CSMD3: variants seen among roughly 807,000 people sequenced by gnomAD.
CSMD3 encodes CUB and Sushi multiple domains 3.
Under a neutral mutation model 435.2 loss-of-function variants are expected in CSMD3, and 177 were observed. The ratio of observed to expected loss-of-function variants is 0.41; its 90% CI spans 0.36 to 0.46. The LOEUF (loss-of-function observed/expected upper bound fraction) is 0.46. Among genes scored for constraint, CSMD3 ranks in the 20% least tolerant of loss-of-function variants. The pLI is 0.34. For synonymous variants in CSMD3, 1,656 were observed against 1,520.5 expected, an observed-to-expected ratio of 1.09 and a Z score of -2.07; for missense variants, 4,265 against 4,504.6, an observed-to-expected ratio of 0.95 and a Z score of 1.52.
At chr8:113,335,882 T>C (rs1358701080) in intron 1 of CSMD3, among the ~76,000 whole-genome samples, 1 of 152,062 alleles carries the variant, frequency 6.6e-6, no homozygotes, top group Non-Finnish European at 1.5e-5. Context: ...TAGTTTTCTA[T>C]TTAAGATGTG....
chr8:112,316,034 G>C (rs771024666), intron 47 of CSMD3, among the ~76,000 whole-genome samples: 2 of 151,794 alleles, frequency 1.3e-5, no homozygotes, highest in Admixed American at 6.6e-5. Flanking sequence ...AAGTATAGGA[G>C]TAGAAAAGAG....
chr8:113,148,620 C>A lies in CSMD3; in HGVS notation c.709+25102G>T, dbSNP rs546269108. ...TTAAAGAATGAGCAATGAATTAATA[C>A]AAAAAACACTAAGCCCACCCTGATA... is the stretch of plus-strand genomic sequence containing the variant. On this transcript the variant is annotated intron_variant, in intron 4 of 70. Transcript: ENST00000297405. Among the ~76,000 whole-genome samples, 27 of 151,678 alleles carry A rather than the reference C, an allele frequency of 1.8e-4. No homozygotes were observed. The South Asian group carries it at 3.5e-3, about 20-fold the overall frequency.
chr8:112,951,165 C>T (rs1424919454), intron 8 of CSMD3, among the ~76,000 whole-genome samples: 2 of 151,692 alleles, frequency 1.3e-5, no homozygotes, highest in Admixed American at 6.6e-5. Context: ...CAGAATTGCC[C>T]ATAGCTAAGT....
At chr8:112,712,905 G>A (rs377132161) in intron 13 of CSMD3, among the ~76,000 whole-genome samples, 23 of 152,234 alleles carry the variant, frequency 1.5e-4, no homozygotes, top group African/African-American at 5.3e-4. Context: ...AACATTTGGG[G>A]AAGCTGGTTA....
intron 23 of CSMD3, among the ~76,000 whole-genome samples, chr8:112,585,667 GA>G (rs1311767299): frequency 6.6e-6 from 1 of 151,630 alleles, no homozygotes; most frequent in African/African-American, 2.4e-5. Context: ...ATTTTAGGTA[GA>G]ACAATAATAG....
intron 1 of CSMD3, among the ~76,000 whole-genome samples, chr8:113,358,746 A>G (rs1031672574): frequency 6.6e-6 from 1 of 152,038 alleles, no homozygotes; most frequent in Admixed American, 6.5e-5. Context: ...GAAAAAAAGC[A>G]TACTGTATAA....
intron 5 of CSMD3, among the ~76,000 whole-genome samples, chr8:113,064,569 G>A (rs1230124964): frequency 6.6e-6 from 1 of 151,988 alleles, no homozygotes; most frequent in African/African-American, 2.4e-5. Context: ...AATACAGCAG[G>A]ATAAAACTAA....
intron 13 of CSMD3, among the ~76,000 whole-genome samples, chr8:112,699,635 G>A (rs2076343134): frequency 6.6e-6 from 1 of 152,206 alleles, no homozygotes; most frequent in Admixed American, 6.5e-5. Flanking sequence ...ATTTTACTAG[G>A]TGACTAATGA....
At chr8:112,928,557 G>A (rs963989436) in intron 9 of CSMD3, among the ~76,000 whole-genome samples, 16 of 151,642 alleles carry the variant, frequency 1.1e-4, no homozygotes, top group African/African-American at 3.4e-4. Context: ...TTGTTCTTGC[G>A]ATAGTTTACT....
intron 5 of CSMD3, among the ~76,000 whole-genome samples, chr8:113,069,562 A>G (rs777551985): frequency 6.6e-6 from 1 of 152,122 alleles, no homozygotes. Context: ...GCCCTAATGA[A>G]TAGATATTTA....
rs900321145 is a variant in CSMD3, at chr8:113,227,573, T to C, written c.514+51019A>G. On this transcript the variant is annotated intron_variant, in intron 3 of 70. Coordinates refer to ENST00000297405, the MANE Select transcript of CSMD3 (RefSeq NM_198123.2). ...AGGGGAGGTACCTGGTGGGAGGTGA[T>C]TGGATCATGGAAGTGGTTTTCCCCA... is the stretch of plus-strand genomic sequence containing the variant. Among the ~76,000 whole-genome samples the C allele has an allele frequency of 6.6e-5, 10 of 151,588 alleles. No homozygotes were observed. In the Admixed American group the frequency reaches 6.6e-4, roughly 10 times the overall value.
intron 3 of CSMD3, among the ~76,000 whole-genome samples, chr8:113,210,814 A>G (rs1327456021): frequency 1.3e-5 from 2 of 151,914 alleles, no homozygotes; most frequent in East Asian, 1.9e-4. Flanking sequence ...GAGACAGCAG[A>G]GGCTGCAGTA....
At chr8:112,266,873 C>T (rs927250270) in intron 59 of CSMD3, among the ~76,000 whole-genome samples, 12 of 152,080 alleles carry the variant, frequency 7.9e-5, no homozygotes, top group East Asian at 5.8e-4. Flanking sequence ...GCTAAGAAAA[C>T]GAAAACTACA....
chr8:113,157,643 A>T (rs2091959672), intron 4 of CSMD3, among the ~76,000 whole-genome samples: 1 of 152,142 alleles, frequency 6.6e-6, no homozygotes, highest in African/African-American at 2.4e-5. Flanking sequence ...TGAAGAAAAC[A>T]ATGGTACATT....
intron 3 of CSMD3, among the ~76,000 whole-genome samples, chr8:113,213,636 T>G (rs1371756646): frequency 1.3e-5 from 2 of 152,038 alleles, no homozygotes; most frequent in East Asian, 1.9e-4. Flanking sequence ...TCTTTGAGTA[T>G]AATCTGAAGA....
chr8:113,421,610 A>G (rs2094609110), intron 1 of CSMD3, among the ~76,000 whole-genome samples: 1 of 152,142 alleles, frequency 6.6e-6, no homozygotes, highest in Admixed American at 6.6e-5. Context: ...TATACTGAAT[A>G]CTTTGAACTG....
chr8:112,435,850 G>A (rs750661595), intron 32 of CSMD3, among the ~76,000 whole-genome samples: 2 of 151,880 alleles, frequency 1.3e-5, no homozygotes, highest in Admixed American at 1.3e-4. Flanking sequence ...CTGCTAATTG[G>A]TAGAGATACA....
intron 27 of CSMD3, among the ~76,000 whole-genome samples, chr8:112,519,113 G>C (rs538438284): frequency 6.6e-6 from 1 of 152,028 alleles, no homozygotes; most frequent in Non-Finnish European, 1.5e-5. Context: ...TTAGAGATGA[G>C]ATTTGGGTGG....
chr8:112,650,011 TG>T (rs1440071978), intron 19 of CSMD3, 149 bp downstream of exon 19: 2 of 642,556 alleles, frequency 3.1e-6, no homozygotes, highest in Non-Finnish European at 5.4e-6. Flanking sequence ...CTTTATTTCA[TG>T]AATGGTTTGA....
Sources: allele counts gnomAD v4.1 joint callset (sites outside exome capture counted in the v4.1 genomes callset), GRCh38; gene constraint gnomAD v4.1.1; transcripts MANE v1.5; gene names NCBI Gene and HGNC (gene_info 2026-07-23, HGNC 2026-07-21).